Variants in ERCC6 observed in about 807,000 individuals in gnomAD.
ERCC6 encodes ERCC excision repair 6, chromatin remodeling factor, also known as DNA excision repair protein ERCC-6.
In ERCC6, 116 loss-of-function variants were observed where a neutral mutation model predicts 158.7. The observed-to-expected ratio is 0.73, with a 90% CI of 0.63 to 0.85. ERCC6 has a LOEUF of 0.85. ERCC6 is among the 40% of genes least tolerant of loss of function. The pLI is 0.00. For synonymous variants in ERCC6, 678 were observed against 659.3 expected, an observed-to-expected ratio of 1.03 and a Z score of -0.43; for missense variants, 1,698 against 1,799.4, an observed-to-expected ratio of 0.94 and a Z score of 1.02.
the ERCC6 span, among the ~76,000 whole-genome samples, chr10:49,448,496 T>C: frequency 1.8e-4 from 28 of 152,360 alleles, no homozygotes; most frequent in Admixed American, 1.1e-3. Context: ...AGTAGTACAA[T>C]TCAGTAGCTT....
At position 49,456,230 on chromosome 10, in the gene ERCC6, C is replaced by T. The variant is rs931516784; in HGVS notation, c.*2585G>A. 6.6e-6 allele frequency: 1 copy of T among 152,192 alleles called. No individual in the cohort carries two copies. Among genetic ancestry groups the T allele is most frequent in the Admixed American group, 6.5e-5 (1 of 15,282 alleles). The allele number at this position is 152,192 out of a possible 1,614,324, so 9.4% of individuals were successfully genotyped here. A position where few individuals can be genotyped will look rare whatever the true frequency, so the allele number is the denominator to read the frequency against. ...TTCAAGACTGGCAGGCCAACTTCTCCTTCCTCAACACATCACTTCCATCTC... is the reference window on the plus strand; with the variant it reads ...TTCAAGACTGGCAGGCCAACTTCTCTTTCCTCAACACATCACTTCCATCTC... On this transcript the variant is annotated 3_prime_UTR_variant, in exon 21 of 21. Transcript: ENST00000355832.
intron 5 of ERCC6, among the ~76,000 whole-genome samples, chr10:49,510,330 C>T (rs1337406478): frequency 6.6e-6 from 1 of 152,134 alleles, no homozygotes; most frequent in East Asian, 1.9e-4. Context: ...AAAGACACAG[C>T]TAGCTACCAC....
chr10:49,467,266 A>G (rs1013537250), intron 18 of ERCC6, among the ~76,000 whole-genome samples: 1 of 152,214 alleles, frequency 6.6e-6, no homozygotes, highest in Non-Finnish European at 1.5e-5. Context: ...TGAAAAAGCT[A>G]TATCACAAGG....
intron 3 of ERCC6, among the ~76,000 whole-genome samples, chr10:49,530,022 G>A (rs1283245950): frequency 1.3e-5 from 2 of 152,020 alleles, no homozygotes; most frequent in Admixed American, 6.6e-5. Flanking sequence ...CCAAGCTCTC[G>A]CAACTGTCAG....
the ERCC6 span, among the ~76,000 whole-genome samples, chr10:49,446,467 CATT>C: frequency 2.0e-5 from 3 of 152,256 alleles, no homozygotes; most frequent in Admixed American, 6.5e-5. Flanking sequence ...TAGAAATAAA[CATT>C]ATGATTATAA....
chr10:49,460,114 C>T (rs1344730716), intron 20 of ERCC6: 3 of 543,148 alleles, frequency 5.5e-6, no homozygotes, highest in East Asian at 3.3e-5. Flanking sequence ...CAGCGACACA[C>T]CTATCCCTGT....
At chr10:49,533,125 A>C in intron 1 of ERCC6, 147 bp from the exon 2 acceptor site, 1 of 1,023,430 alleles carries the variant, frequency 9.8e-7, no homozygotes, top group Non-Finnish European at 1.4e-6. Context: ...GTATTAATTT[A>C]CTAAAAAGGG....
intron 3 of ERCC6, among the ~76,000 whole-genome samples, chr10:49,529,023 C>G (rs1354628450): frequency 6.6e-6 from 1 of 152,114 alleles, no homozygotes; most frequent in East Asian, 1.9e-4. Flanking sequence ...TTTTAGTATT[C>G]TACCTAATCA....
intron 7 of ERCC6, among the ~76,000 whole-genome samples, chr10:49,494,841 C>T (rs72792894): frequency 0.036 from 5,492 of 152,246 alleles, 149 homozygotes; most frequent in Non-Finnish European, 0.056. Flanking sequence ...ACAAGGACAC[C>T]TGGCCTTAGG....
rs1850466872 is a variant in ERCC6 at position 49,455,266 on chromosome 10, TAATAA to T, written c.*3544_*3548del. The T allele has an allele frequency of 6.6e-6, 1 of 152,146 alleles. No individual in the cohort carries two copies. Among genetic ancestry groups the T allele is most frequent in the African/African-American group, 2.4e-5 (1 of 41,448 alleles). The allele number at this position is 152,146 out of a possible 1,614,324, so 9.4% of individuals were successfully genotyped here. On this transcript the variant is annotated 3_prime_UTR_variant, in exon 21 of 21. Coordinates refer to ENST00000355832, the MANE Select transcript of ERCC6 (RefSeq NM_000124.4). ...TTTCATCCAAGAATATAAAAGACTT[TAATAA>T]AATGAGGCCTATCATAACACTAATC...
chr10:49,507,906 C>T (rs919169363), intron 5 of ERCC6, among the ~76,000 whole-genome samples: 11 of 151,866 alleles, frequency 7.2e-5, no homozygotes, highest in African/African-American at 2.7e-4. Context: ...ACTATCAAAA[C>T]TTAGAAACTG....
intron 5 of ERCC6, chr10:49,516,811 A>T: frequency 6.2e-7 from 1 of 1,614,062 alleles, no homozygotes; most frequent in South Asian, 1.1e-5. Context: ...CTCCTCCTTG[A>T]TGGTGGAGGT....
At chr10:49,505,796 A>C in intron 6 of ERCC6, 88 bp downstream of exon 6, 1 of 1,516,970 alleles carries the variant, frequency 6.6e-7, no homozygotes, top group Admixed American at 1.7e-5. Flanking sequence ...TTCAGGGCCC[A>C]CAGGTAACTA....
intron 1 of ERCC6, among the ~76,000 whole-genome samples, chr10:49,536,260 G>A (rs1917801): frequency 0.089 from 13,622 of 152,218 alleles, 824 homozygotes; most frequent in East Asian, 0.2. Context: ...CCTCTGGCAG[G>A]GAGACAGCTA....
chr10:49,519,919 C>T (rs1157708257), intron 5 of ERCC6, among the ~76,000 whole-genome samples: 5 of 152,162 alleles, frequency 3.3e-5, no homozygotes, highest in Non-Finnish European at 7.4e-5. Flanking sequence ...AGACTCCCCA[C>T]GCTGAGCCCA....
the ERCC6 span, among the ~76,000 whole-genome samples, chr10:49,443,001 TTTTCA>T: frequency 6.6e-6 from 1 of 152,188 alleles, no homozygotes; most frequent in African/African-American, 2.4e-5. Flanking sequence ...AGTGATTTTG[TTTTCA>T]TTTACTTCTG....
At chr10:49,461,693 A>AT (rs1850586608) in intron 18 of ERCC6, 137 bp from the exon 19 acceptor site, 3 of 830,748 alleles carry the variant, frequency 3.6e-6, no homozygotes, top group Admixed American at 4.5e-5. Flanking sequence ...AGAATCAATG[A>AT]TAAAAAATAG....
chr10:49,471,781 C>T (rs1479729884), intron 16 of ERCC6, among the ~76,000 whole-genome samples: 1 of 152,184 alleles, frequency 6.6e-6, no homozygotes, highest in East Asian at 1.9e-4. Flanking sequence ...TGGTAAAGGG[C>T]ACAGAGCTTC....
chr10:49,448,625 CCTTTAAGCAACCTACTTACCACTCTTT>C, the ERCC6 span, among the ~76,000 whole-genome samples: 1 of 152,138 alleles, frequency 6.6e-6, no homozygotes, highest in Non-Finnish European at 1.5e-5. Flanking sequence ...CACTTATGAC[CCTTTAAGCAACCTACTTACCACTCTTT>C]CTTTAAGCAA....
Sources: allele counts gnomAD v4.1 joint callset (sites outside exome capture counted in the v4.1 genomes callset), GRCh38; gene constraint gnomAD v4.1.1; transcripts MANE v1.5; gene names NCBI Gene and HGNC (gene_info 2026-07-23, HGNC 2026-07-21).